The following EYA1 variants were observed in gnomAD, a reference collection of about 807,000 sequenced individuals.
EYA1 encodes protein phosphatase EYA1.
A neutral mutation model predicts 82.0 loss-of-function variants in EYA1; 16 were observed. That is an observed-to-expected ratio of 0.20 (90% CI 0.13 to 0.30). The LOEUF (loss-of-function observed/expected upper bound fraction) is 0.30, where lower values mean the gene tolerates loss of function less well. EYA1 is among the 10% of genes least tolerant of loss of function. The probability of loss-of-function intolerance (pLI) is 1.00; values close to 1 mark genes in which losing one functional copy is unlikely to be tolerated. For synonymous variants in EYA1, 261 were observed against 264.4 expected (o/e 0.99, Z 0.12); for missense variants, 633 against 730.7 (o/e 0.87, Z 1.54).
chr8:71,390,997 A>G (rs973799041), intron 2 of EYA1, among the ~76,000 whole-genome samples: 1 of 151,998 alleles, frequency 6.6e-6, no homozygotes, highest in African/African-American at 2.4e-5. Flanking sequence ...TTTTTGAGAC[A>G]GGGTCTCGCT....
intron 1 of EYA1, among the ~76,000 whole-genome samples, chr8:71,357,842 A>G (rs911334849): frequency 1.3e-5 from 2 of 152,204 alleles, no homozygotes; most frequent in African/African-American, 4.8e-5. Flanking sequence ...TTAAATTTCA[A>G]TGCCTACAGA....
intron 7 of EYA1, among the ~76,000 whole-genome samples, chr8:71,300,798 T>C (rs952993897): frequency 6.6e-6 from 1 of 152,132 alleles, no homozygotes; most frequent in Non-Finnish European, 1.5e-5. Context: ...TTTAATGGCA[T>C]GAGAAAAATT....
intron 2 of EYA1, among the ~76,000 whole-genome samples, chr8:71,521,386 GA>G (rs1813387145): frequency 1.3e-5 from 2 of 151,930 alleles, no homozygotes; most frequent in Non-Finnish European, 2.9e-5. Context: ...TAATTGTTTT[GA>G]AAAATGTGGA....
intron 9 of EYA1, among the ~76,000 whole-genome samples, chr8:71,295,259 C>A (rs1486357885): frequency 6.6e-6 from 1 of 152,168 alleles, no homozygotes; most frequent in Non-Finnish European, 1.5e-5. Context: ...TTAAAAACTT[C>A]TCTGCAAAAG....
intron 6 of EYA1, among the ~76,000 whole-genome samples, chr8:71,319,125 A>G (rs1822240391): frequency 6.8e-6 from 1 of 146,642 alleles, no homozygotes; most frequent in South Asian, 2.2e-4. Context: ...AAATACCAAT[A>G]ATTCATGTAT....
intron 2 of EYA1, among the ~76,000 whole-genome samples, chr8:71,454,955 C>T (rs917871778): frequency 1.5e-4 from 23 of 151,828 alleles, no homozygotes; most frequent in Non-Finnish European, 3.2e-4. Context: ...CACAAAAAAT[C>T]AGTGAATCCA....
intron 2 of EYA1, among the ~76,000 whole-genome samples, chr8:71,531,425 C>T (rs1249732433): frequency 6.6e-6 from 1 of 152,162 alleles, no homozygotes; most frequent in Non-Finnish European, 1.5e-5. Context: ...AAAAACTAGG[C>T]TCTCTCTATT....
intron 2 of EYA1, among the ~76,000 whole-genome samples, chr8:71,432,566 C>T (rs997169609): frequency 2.0e-5 from 3 of 152,156 alleles, no homozygotes; most frequent in Non-Finnish European, 2.9e-5. Flanking sequence ...TTCCCCATGT[C>T]CTCACATTGT....
intron 2 of EYA1, among the ~76,000 whole-genome samples, chr8:71,414,376 A>G (rs1375330083): frequency 1.3e-5 from 2 of 152,174 alleles, no homozygotes; most frequent in Non-Finnish European, 2.9e-5. Flanking sequence ...CTCAAAAAAC[A>G]CCAGAATTAT....
chr8:71,547,867 T>A (rs2129297879), exon 1 of EYA1: 1 of 151,500 alleles, frequency 6.6e-6, no homozygotes, highest in East Asian at 2.0e-4. Flanking sequence ...CACTTACTTG[T>A]GTCACAACTG....
At chr8:71,396,254 A>G (rs955317236) in intron 2 of EYA1, among the ~76,000 whole-genome samples, 4 of 151,888 alleles carry the variant, frequency 2.6e-5, no homozygotes, top group Non-Finnish European at 2.9e-5. Flanking sequence ...TCCTGGATTC[A>G]TTGATTTTTT....
chr8:71,494,455 G>C (rs950554447), intron 2 of EYA1, among the ~76,000 whole-genome samples: 2 of 152,032 alleles, frequency 1.3e-5, no homozygotes, highest in Admixed American at 1.3e-4. Flanking sequence ...TAATCAATAG[G>C]TTAAGATAAA....
At chr8:71,454,440 C>G (rs1311588221) in intron 2 of EYA1, among the ~76,000 whole-genome samples, 1 of 152,206 alleles carries the variant, frequency 6.6e-6, no homozygotes, top group African/African-American at 2.4e-5. Flanking sequence ...ATCTACAGAA[C>G]TCTCCACCAA....
chr8:71,517,402 C>T (rs954476104), intron 2 of EYA1, among the ~76,000 whole-genome samples: 1 of 151,650 alleles, frequency 6.6e-6, no homozygotes, highest in East Asian at 1.9e-4. Context: ...ATGCATCCTG[C>T]CCTCACTAAG....
At chr8:71,213,761 A>C (rs1350590370) in intron 16 of EYA1, among the ~76,000 whole-genome samples, 2 of 152,222 alleles carry the variant, frequency 1.3e-5, no homozygotes, top group African/African-American at 4.8e-5. Context: ...AACACTGATA[A>C]AAATAAAACC....
At chr8:71,400,093 A>G (rs995323635) in intron 2 of EYA1, among the ~76,000 whole-genome samples, 2 of 152,222 alleles carry the variant, frequency 1.3e-5, no homozygotes, top group South Asian at 2.1e-4. Flanking sequence ...GGCTAGCCAC[A>G]TGCAGAAAAT....
At chr8:71,275,195 C>T (rs962646289) in intron 9 of EYA1, among the ~76,000 whole-genome samples, 6 of 152,044 alleles carry the variant, frequency 3.9e-5, no homozygotes, top group South Asian at 2.1e-4. Context: ...ATGCAGGTGC[C>T]GGGCATAAGG....
chr8:71,262,419 C>T (rs1815241487), intron 11 of EYA1, among the ~76,000 whole-genome samples: 1 of 152,174 alleles, frequency 6.6e-6, no homozygotes. Context: ...CTGCTTCCTC[C>T]TCTGAACCCC....
At chr8:71,378,444 A>G (rs563347160) in intron 2 of EYA1, among the ~76,000 whole-genome samples, 1 of 152,302 alleles carries the variant, frequency 6.6e-6, no homozygotes, top group East Asian at 1.9e-4. Flanking sequence ...ACCTCTTTAG[A>G]ATGTAGAATA....
Sources: gnomAD v4.1 joint callset for allele counts (sites outside exome capture counted in the v4.1 genomes callset) on GRCh38, gnomAD v4.1.1 for gene constraint, MANE v1.5 for transcripts, NCBI Gene and HGNC (gene_info 2026-07-23, HGNC 2026-07-21) for gene names.